Variants in RIF1 observed in about 807,000 individuals in gnomAD.
RIF1 encodes the protein replication timing regulatory factor 1.
In RIF1, 45 loss-of-function variants were observed where a neutral mutation model predicts 247.1. The observed-to-expected ratio is 0.18, with a 90% CI of 0.14 to 0.23. RIF1 has a LOEUF of 0.23. Ranked by LOEUF, RIF1 falls within the 10% of genes least tolerant of loss-of-function variation. RIF1 has a pLI of 1.00. For synonymous variants in RIF1, 1,087 were observed against 978.8 expected (o/e 1.11, Z -2.06); for missense variants, 2,967 against 2,862.5 (o/e 1.04, Z -0.83).
chr2:151,467,551 G>T (rs1319934299), intron 30 of RIF1, among the ~76,000 whole-genome samples: 2 of 152,014 alleles, frequency 1.3e-5, no homozygotes, highest in African/African-American at 4.8e-5. Flanking sequence ...CACCATGTTG[G>T]TCAGGCTGGT....
rs141807972 is a variant in RIF1 at position 151,464,190 on chromosome 2, C to G, written c.4670C>G (p.Ser1557Trp). 2.5e-6 allele frequency: 4 copies of G among 1,611,578 alleles called. No individual in the cohort carries two copies. Among genetic ancestry groups the G allele is most frequent in the East Asian group, 2.2e-5 (1 of 44,854 alleles). The change falls in exon 30 of 36, where the codon TCG becomes TGG. Residue 1557 changes from serine (S) to tryptophan (W), a missense_variant. This residue lies in a region of RIF1 where 2,028 missense variants were observed against 1,825.6 expected (regional missense o/e 1.11). Coordinates refer to ENST00000444746, the MANE Select transcript of RIF1 (RefSeq NM_018151.5). ...ATTGAAAACTCAGAATCTGATAGTT[C>G]GGAGGCAAAAGAAGAAGGTTCTAGG... ...SSIENSESDS[S>W]EAKEEGSRKK...
In RIF1 at chr2:151,438,668, T is replaced by C; in HGVS notation, c.1484-16T>C. ...TGTACTTCATTTAAAATACTCAAGTTTATTTTGTTTGACAGATGTGGTTGT... is the reference window on the plus strand; with the variant it reads ...TGTACTTCATTTAAAATACTCAAGTCTATTTTGTTTGACAGATGTGGTTGT... On this transcript the variant is annotated splice_polypyrimidine_tract_variant and intron_variant, in intron 13 of 35. Coordinates refer to ENST00000444746, the MANE Select transcript of RIF1 (RefSeq NM_018151.5). 1 of 1,590,274 alleles carries C rather than the reference T, an allele frequency of 6.3e-7. No individual in the cohort carries two copies. The highest frequency in any genetic ancestry group is 8.6e-7 in the Non-Finnish European group (1 of 1,158,418).
chr2:151,474,653 G>T (rs2048837718), intron 35 of RIF1, among the ~76,000 whole-genome samples: 1 of 152,190 alleles, frequency 6.6e-6, no homozygotes, highest in Non-Finnish European at 1.5e-5. Flanking sequence ...TCCAGCCTGG[G>T]CAATAGAATG....
At chr2:151,468,381 T>C (rs972566699) in intron 31 of RIF1, 93 bp from the exon 32 acceptor site, 6 of 1,106,656 alleles carry the variant, frequency 5.4e-6, no homozygotes, top group Admixed American at 2.0e-5. Context: ...TTTTGAACTT[T>C]TAAAGAAATG....
At chr2:151,446,313 TGACACAC>T in intron 19 of RIF1, 106 bp from the exon 20 acceptor site, 4 of 1,035,602 alleles carry the variant, frequency 3.9e-6, no homozygotes, top group Admixed American at 2.2e-5. Context: ...GTGTCTTTTT[TGACACAC>T]TAAATGTTGC....
chr2:151,426,277 C>A (rs942255365), intron 8 of RIF1, among the ~76,000 whole-genome samples: 6 of 143,182 alleles, frequency 4.2e-5, no homozygotes, highest in African/African-American at 7.6e-5. Context: ...TGGGTCCAAG[C>A]GATTCTCCTG....
chr2:151,497,591 A>T, intron 10 of RIF1: 2 of 1,542,994 alleles, frequency 1.3e-6, no homozygotes, highest in Non-Finnish European at 1.8e-6. Context: ...CAAAATCATT[A>T]AATAAGTAGT....
intron 19 of RIF1, among the ~76,000 whole-genome samples, chr2:151,445,713 A>G (rs1693148484): frequency 6.6e-6 from 1 of 151,160 alleles, no homozygotes; most frequent in African/African-American, 2.4e-5. Context: ...GCGCCCAGCT[A>G]ATTTTTGTAT....
chr2:151,493,171 A>C (rs1019309946), intron 9 of RIF1: 26 of 556,978 alleles, frequency 4.7e-5, no homozygotes, highest in Non-Finnish European at 7.3e-5. Flanking sequence ...ATTTTAGTGT[A>C]AATTTTCAGT....
At chr2:151,414,789 C>A in intron 3 of RIF1, 34 bp from the exon 4 acceptor site, 3 of 1,467,248 alleles carry the variant, frequency 2.0e-6, no homozygotes, top group Non-Finnish European at 2.8e-6. Flanking sequence ...TACAGTTGTG[C>A]TTGTTTGTAA....
At chr2:151,515,034 T>C in the RIF1 span, 1,800 of 680,454 alleles carry the variant, frequency 2.6e-3, 25 homozygotes, top group East Asian at 0.03. Flanking sequence ...GTATGGGCTC[T>C]TAATCATAGT....
chr2:151,443,987 T>TGG (rs1692801882), intron 18 of RIF1, among the ~76,000 whole-genome samples: 1 of 152,180 alleles, frequency 6.6e-6, no homozygotes, highest in Admixed American at 6.5e-5. Flanking sequence ...CTTGGATTCT[T>TGG]TCAGTAGTTT....
chr2:151,450,056 G>A (rs1694022633), intron 20 of RIF1, among the ~76,000 whole-genome samples: 1 of 152,054 alleles, frequency 6.6e-6, no homozygotes, highest in African/African-American at 2.4e-5. Context: ...GGCCAGGCTG[G>A]TCTTGAACTC....
chr2:151,505,694 T>C (rs2068264529), intron 12 of RIF1: 2 of 767,206 alleles, frequency 2.6e-6, no homozygotes, highest in South Asian at 3.1e-5. Context: ...AACGCAGGCT[T>C]TATACTTAGT....
chr2:151,425,368 T>C (rs1362416543), intron 8 of RIF1, among the ~76,000 whole-genome samples: 1 of 152,152 alleles, frequency 6.6e-6, no homozygotes, highest in Non-Finnish European at 1.5e-5. Context: ...TAATATCCAT[T>C]GCAGAGTTTT....
intron 2 of RIF1, among the ~76,000 whole-genome samples, chr2:151,410,992 A>G (rs1285769051): frequency 6.6e-6 from 1 of 152,158 alleles, no homozygotes; most frequent in African/African-American, 2.4e-5. Context: ...AGTAACTAGG[A>G]ATAGGGATCC....
chr2:151,505,826 T>C (rs1425433147), intron 12 of RIF1: 3 of 547,100 alleles, frequency 5.5e-6, no homozygotes, highest in Non-Finnish European at 9.8e-6. Flanking sequence ...TGCAGCCCTT[T>C]CCTGTATACT....
Position 151,416,628 on chromosome 2 carries a change from T to C in RIF1, c.348T>C (p.Arg116=). 1 of 1,612,056 alleles carries C rather than the reference T, an allele frequency of 6.2e-7. No homozygotes were observed. The highest frequency in any genetic ancestry group is 8.5e-7 in the Non-Finnish European group (1 of 1,179,458). The change falls in exon 5 of 36, where the codon CGT becomes CGC. Residue 116 remains arginine, a synonymous_variant. Transcript: ENST00000444746. ...DTIKNSDKNV[R]TRALWVISKQ... ...TTAAGAATTCAGACAAAAATGTACG[T>C]ACTAGAGCACTTTGGGTGATATCTA...
Position 151,455,006 on chromosome 2 carries a change from T to C in RIF1, c.2456T>C (p.Phe819Ser). Residue 819 changes from phenylalanine to serine, a missense_variant, in exon 22 of 36, where the codon TTC becomes TCC. Around this residue, in one of 7 missense-constraint regions of RIF1, gnomAD observed 2,028 missense variants for 1,825.6 expected, o/e 1.11. Transcript: ENST00000444746. ...ATCTATTCTTTCCACACACTGAGCT[T>C]CAAGGAAGCACATTCTGATACCCTC... is the stretch of plus-strand genomic sequence containing the variant. ...KVIYSFHTLSFKEAHSDTLFT... is the reference protein window; with the variant it reads ...KVIYSFHTLSSKEAHSDTLFT... 1 of 1,613,954 alleles carries C rather than the reference T, an allele frequency of 6.2e-7. No individual in the cohort carries two copies. The highest frequency in any genetic ancestry group is 8.5e-7 in the Non-Finnish European group (1 of 1,179,894).
Sources: allele counts gnomAD v4.1 joint callset (sites outside exome capture counted in the v4.1 genomes callset), GRCh38; gene constraint gnomAD v4.1.1; regional missense constraint gnomAD v4.1.1; transcripts MANE v1.5; gene names NCBI Gene and HGNC (gene_info 2026-07-23, HGNC 2026-07-21).